Variants in CDH2 observed in about 807,000 individuals in gnomAD.
CDH2 encodes cadherin-2.
CDH2 carries 17 observed loss-of-function variants against 92.0 expected under a neutral mutation model. The observed-to-expected ratio is 0.18, with a 90% CI of 0.13 to 0.28. CDH2 has a LOEUF of 0.28. CDH2 is among the 10% of genes least tolerant of loss of function. CDH2 has a pLI of 1.00. For missense variants in CDH2, 862 were observed against 1,133.1 expected (o/e 0.76, Z 3.44); for synonymous variants, 419 against 415.9 (o/e 1.01, Z -0.09).
chr18:27,987,037 G>A (rs1022890861), intron 11 of CDH2, among the ~76,000 whole-genome samples: 4 of 152,176 alleles, frequency 2.6e-5, no homozygotes, highest in African/African-American at 9.7e-5. Context: ...AAGCATCACA[G>A]CTACATACAT....
chr18:28,126,864 C>G (rs1360834304), intron 2 of CDH2, among the ~76,000 whole-genome samples: 1 of 152,142 alleles, frequency 6.6e-6, no homozygotes, highest in Admixed American at 6.6e-5. Context: ...TCCAGAGAAA[C>G]AGACCAGAAC....
At chr18:28,114,658 A>G (rs1041626492) in intron 2 of CDH2, among the ~76,000 whole-genome samples, 1 of 152,098 alleles carries the variant, frequency 6.6e-6, no homozygotes, top group Non-Finnish European at 1.5e-5. Context: ...TGACTCACAT[A>G]TCAAGCTGTA....
chr18:28,157,224 C>T (rs2016233612), intron 1 of CDH2, among the ~76,000 whole-genome samples: 1 of 152,172 alleles, frequency 6.6e-6, no homozygotes, highest in Admixed American at 6.5e-5. Context: ...TCATGACACT[C>T]AGCAGAGACT....
chr18:28,012,816 C>T (rs889480976), intron 3 of CDH2, among the ~76,000 whole-genome samples: 1 of 152,136 alleles, frequency 6.6e-6, no homozygotes, highest in Non-Finnish European at 1.5e-5. Flanking sequence ...ATATATTTTC[C>T]TCTGATATAT....
chr18:27,990,183 A>C lies in CDH2; in HGVS notation c.1512T>G (p.Ile504Met). 6.2e-7 allele frequency: 1 copy of C among 1,614,086 alleles called. No homozygotes were observed. Among genetic ancestry groups the C allele is most frequent in the East Asian group, 2.2e-5 (1 of 44,858 alleles). Reference sequence around the variant, plus strand: ...CGGCATGAAGCCCTTCTTCTTGGCGAATGATCTTAGGATTGGGGGCAAAAT... The same window carrying C: ...CGGCATGAAGCCCTTCTTCTTGGCGCATGATCTTAGGATTGGGGGCAAAAT... ...NPYFAPNPKIIRQEEGLHAGT... is the reference protein window; with the variant it reads ...NPYFAPNPKIMRQEEGLHAGT... Residue 504 changes from isoleucine to methionine, a missense_variant, in exon 10 of 16, where the codon ATT becomes ATG. By Grantham distance (10) the Ile-to-Met change is conservative (BLOSUM62 1). Coordinates refer to ENST00000269141, the MANE Select transcript of CDH2 (RefSeq NM_001792.5).
intron 1 of CDH2, among the ~76,000 whole-genome samples, chr18:28,174,715 A>G (rs2016512061): frequency 6.6e-6 from 1 of 152,234 alleles, no homozygotes; most frequent in Non-Finnish European, 1.5e-5. Flanking sequence ...AGAAAATGAG[A>G]GTGCTCCACT....
At chr18:27,957,189 C>CT (rs1420249599) in intron 15 of CDH2, among the ~76,000 whole-genome samples, 4 of 150,974 alleles carry the variant, frequency 2.6e-5, no homozygotes, top group Non-Finnish European at 5.9e-5. Flanking sequence ...CTGCACAGAT[C>CT]TTTTTTCCCC....
chr18:27,981,232 C>A (rs1156722363), intron 14 of CDH2, among the ~76,000 whole-genome samples: 1 of 151,700 alleles, frequency 6.6e-6, no homozygotes, highest in Non-Finnish European at 1.5e-5. Flanking sequence ...CAAAATTACA[C>A]AAAAAATAAA....
chr18:28,072,167 C>A (rs190504418), intron 2 of CDH2, among the ~76,000 whole-genome samples: 1 of 152,080 alleles, frequency 6.6e-6, no homozygotes, highest in African/African-American at 2.4e-5. Context: ...CATTTTCGTG[C>A]GTTTTCCTTA....
intron 2 of CDH2, among the ~76,000 whole-genome samples, chr18:28,119,025 A>C (rs1325388282): frequency 1.3e-5 from 2 of 152,132 alleles, no homozygotes; most frequent in Non-Finnish European, 2.9e-5. Context: ...ATCCATTGGA[A>C]AGTTCAAAAC....
intron 2 of CDH2, among the ~76,000 whole-genome samples, chr18:28,072,431 C>T (rs959033345): frequency 7.9e-5 from 12 of 152,148 alleles, no homozygotes; most frequent in African/African-American, 2.2e-4. Flanking sequence ...CTACTCAACC[C>T]GGAAGATCCC....
intron 2 of CDH2, among the ~76,000 whole-genome samples, chr18:28,032,397 A>C (rs527546830): frequency 6.6e-6 from 1 of 152,142 alleles, no homozygotes; most frequent in Admixed American, 6.6e-5. Context: ...ACATAAGAAA[A>C]CAAAGACAAA....
intron 14 of CDH2, among the ~76,000 whole-genome samples, chr18:27,973,415 A>G (rs544977412): frequency 1.3e-5 from 2 of 152,310 alleles, no homozygotes; most frequent in South Asian, 4.1e-4. Flanking sequence ...AGTATCACAG[A>G]AAGTACTAGA....
intron 5 of CDH2, among the ~76,000 whole-genome samples, chr18:28,007,208 T>C (rs1017607414): frequency 8.3e-5 from 12 of 143,880 alleles, no homozygotes; most frequent in African/African-American, 2.8e-4. Context: ...GTATATACGA[T>C]AGCTGTTCCT....
At chr18:27,935,446 C>A (rs990013311) in intron 6 of CDH2, among the ~76,000 whole-genome samples, 1 of 152,112 alleles carries the variant, frequency 6.6e-6, no homozygotes, top group Admixed American at 6.6e-5. Flanking sequence ...CCACTGGAAA[C>A]CACCCTCATG....
At chr18:28,075,957 A>G (rs1310517691) in intron 2 of CDH2, among the ~76,000 whole-genome samples, 3 of 152,182 alleles carry the variant, frequency 2.0e-5, no homozygotes, top group African/African-American at 4.8e-5. Flanking sequence ...AATTGAACAC[A>G]GTGGTCAATT....
At chr18:27,965,133 C>T (rs1182980669) in intron 14 of CDH2, among the ~76,000 whole-genome samples, 1 of 152,178 alleles carries the variant, frequency 6.6e-6, no homozygotes, top group East Asian at 1.9e-4. Context: ...TGCCCAAGGT[C>T]ACACAGCTAG....
intron 2 of CDH2, among the ~76,000 whole-genome samples, chr18:28,094,591 G>T (rs1034539899): frequency 3.3e-5 from 5 of 151,662 alleles, no homozygotes; most frequent in Admixed American, 6.6e-5. Context: ...TCAGGAGATC[G>T]AGACCATCCT....
At chr18:28,070,329 A>C (rs769074172) in intron 2 of CDH2, among the ~76,000 whole-genome samples, 1 of 152,194 alleles carries the variant, frequency 6.6e-6, no homozygotes, top group African/African-American at 2.4e-5. Flanking sequence ...CATCTGAACC[A>C]TATTACAACC....
Sources: gnomAD v4.1 joint callset for allele counts (sites outside exome capture counted in the v4.1 genomes callset) on GRCh38, gnomAD v4.1.1 for gene constraint, MANE v1.5 for transcripts, NCBI Gene and HGNC (gene_info 2026-07-23, HGNC 2026-07-21) for gene names.